ALMS1: variants seen among roughly 807,000 people sequenced by gnomAD.
ALMS1 encodes ALMS1 centrosome and basal body associated protein, also known as centrosome-associated protein ALMS1.
In ALMS1, 271 loss-of-function variants were observed where a neutral mutation model predicts 352.2. That is an observed-to-expected ratio of 0.77 (90% CI 0.70 to 0.85). The LOEUF is 0.85. Among genes scored for constraint, ALMS1 ranks in the 40% least tolerant of loss-of-function variants. The pLI is 0.00. For missense variants in ALMS1, 5,445 were observed against 4,870.7 expected, an observed-to-expected ratio of 1.12 and a Z score of -3.51; for synonymous variants, 1,865 against 1,761.2, an observed-to-expected ratio of 1.06 and a Z score of -1.48.
chr2:73,531,656 A>G (rs373380085), intron 11 of ALMS1, among the ~76,000 whole-genome samples: 1 of 152,202 alleles, frequency 6.6e-6, no homozygotes, highest in Non-Finnish European at 1.5e-5. Flanking sequence ...TCTGGCACCA[A>G]TTCTTTGTAT....
intron 13 of ALMS1, 42 bp from the exon 14 acceptor site, chr2:73,557,177 AT>A: frequency 4.3e-6 from 7 of 1,613,266 alleles, no homozygotes; most frequent in Non-Finnish European, 5.9e-6. Flanking sequence ...TGTTGTGTTT[AT>A]TATCTTTCCT....
At position 73,452,101 on chromosome 2, in the gene ALMS1, C is replaced by G. The variant is rs770709146; in HGVS notation, c.5574C>G (p.Val1858=). Residue 1858 remains valine (V), a synonymous_variant, in exon 8 of 23, where the codon GTC becomes GTG. Transcript: ENST00000613296. ...CCTACCCACAGAGAGAGCACTCTGT[C>G]ATTTCTTATGAGCAGGAGTTGCCAG... is the stretch of plus-strand genomic sequence containing the variant. The part of the protein sequence containing the change: ...SNSYPQREHS[V]ISYEQELPDL... 9 of 1,613,922 alleles carry G rather than the reference C, an allele frequency of 5.6e-6. No homozygotes were observed. Among genetic ancestry groups the G allele is most frequent in the Non-Finnish European group, 6.8e-6 (8 of 1,179,976 alleles).
chr2:73,451,078 T>G lies in ALMS1; in HGVS notation c.4551T>G (p.Thr1517=), dbSNP rs1418900568. 1 of 1,612,074 alleles carries G rather than the reference T, an allele frequency of 6.2e-7. No individual in the cohort carries two copies. Among genetic ancestry groups the G allele is most frequent in the African/African-American group, 1.3e-5 (1 of 74,196 alleles). Residue 1517 remains threonine (T), a synonymous_variant, in exon 8 of 23, where the codon ACT becomes ACG. Coordinates refer to ENST00000613296, the MANE Select transcript of ALMS1 (RefSeq NM_001378454.1). ...GPVGQTTGAP[T]ITSPSYSQHR... ...TTGGCCAGACAACTGGCGCACCAACTATAACCTCTCCTTCCTACTCACAAC... is the reference window on the plus strand; with the variant it reads ...TTGGCCAGACAACTGGCGCACCAACGATAACCTCTCCTTCCTACTCACAAC...
chr2:73,535,035 G>T (rs575377327), intron 12 of ALMS1, 86 bp downstream of exon 12: 2 of 1,545,096 alleles, frequency 1.3e-6, no homozygotes, highest in African/African-American at 2.7e-5. Flanking sequence ...CAAAAGTCCA[G>T]TGCTCTTTAA....
chr2:73,431,942 C>T (rs1671508252), intron 6 of ALMS1, among the ~76,000 whole-genome samples: 2 of 152,066 alleles, frequency 1.3e-5, no homozygotes, highest in Admixed American at 6.6e-5. Context: ...TTTCTAAGCC[C>T]TCAGGATGAT....
Position 73,451,484 on chromosome 2 carries a change from C to T in ALMS1, c.4957C>T (p.Gln1653Ter). The T allele has an allele frequency of 6.2e-7, 1 of 1,614,058 alleles. No homozygotes were observed. The highest frequency in any genetic ancestry group is 2.2e-5 in the East Asian group (1 of 44,878). ...TTCAGCTGCTCCTGGACCAGCTGACCAGAAGACTGAGACATTACCAGTACA... is the reference window on the plus strand; with the variant it reads ...TTCAGCTGCTCCTGGACCAGCTGACTAGAAGACTGAGACATTACCAGTACA... ...KVSAAPGPAD[Q>*]KTETLPVHST... The change falls in exon 8 of 23, where the codon CAG becomes TAG. Residue 1653 changes from glutamine (Q) to a stop codon, truncating the protein, a stop_gained. Transcript: ENST00000613296. LOFTEE classifies it high-confidence loss of function.
At chr2:73,521,621 G>GT (rs1422148136) in intron 11 of ALMS1, among the ~76,000 whole-genome samples, 1 of 150,596 alleles carries the variant, frequency 6.6e-6, no homozygotes, top group Non-Finnish European at 1.5e-5. Context: ...ACTGTGGCGG[G>GT]TGCCTGTAGT....
chr2:73,408,794 CAAG>C (rs1032353583), intron 2 of ALMS1, 47 bp downstream of exon 2: 2 of 1,518,468 alleles, frequency 1.3e-6, no homozygotes, highest in African/African-American at 2.9e-5. Flanking sequence ...ATAAGCAGCA[CAAG>C]AAATTCTGAT....
chr2:73,499,419 T>C (rs1408106497), intron 10 of ALMS1, among the ~76,000 whole-genome samples: 3 of 152,128 alleles, frequency 2.0e-5, no homozygotes, highest in Non-Finnish European at 4.4e-5. Context: ...CTCAAGAAAT[T>C]TTTGCCCAGA....
At chr2:73,469,872 AAAAC>A (rs1318972980) in intron 9 of ALMS1, 9 of 151,908 alleles carry the variant, frequency 5.9e-5, no homozygotes, top group Non-Finnish European at 1.3e-4. Flanking sequence ...CAAAAAGAAA[AAAAC>A]AATGCCTGAC....
Position 73,403,148 on chromosome 2 carries a change from G to C in ALMS1, c.325-5474G>C, listed in dbSNP as rs1464527730. On this transcript the variant is annotated intron_variant, in intron 1 of 22. Transcript: ENST00000613296. Reference sequence around the variant, plus strand: ...AGTTTTTCCCATATATTTTCTTCTAGGTTTATGGTTTTAAGTCTTCATGTT... The same window carrying C: ...AGTTTTTCCCATATATTTTCTTCTACGTTTATGGTTTTAAGTCTTCATGTT... Among the ~76,000 whole-genome samples, 3 of 152,060 alleles carry C rather than the reference G, an allele frequency of 2.0e-5. No individual in the cohort carries two copies. The South Asian group carries it at 6.2e-4, about 31-fold the overall frequency.
intron 9 of ALMS1, among the ~76,000 whole-genome samples, chr2:73,460,973 A>C (rs1401356272): frequency 6.6e-6 from 1 of 152,240 alleles, no homozygotes. Flanking sequence ...ACTACAGCTC[A>C]AGGAGGCCTG....
At position 73,550,441 on chromosome 2, in the gene ALMS1, A is replaced by T; in HGVS notation, c.10078+4A>T. 4 of 1,614,058 alleles carry T rather than the reference A, an allele frequency of 2.5e-6. No homozygotes were observed. In the East Asian group the frequency reaches 8.9e-5, roughly 36 times the overall value. ...CCCTTGCAGAATGAAAATGCAGGTA[A>T]CTGGATTGGCTTTGTATACTTTGTA... On this transcript the variant is annotated splice_donor_region_variant and intron_variant, in intron 13 of 22. Coordinates refer to ENST00000613296, the MANE Select transcript of ALMS1 (RefSeq NM_001378454.1).
Position 73,424,442 on chromosome 2 carries a change from T to A in ALMS1, c.777T>A (p.Asp259Glu). ...TATATATTTTCAGGGGAATTCCTGA[T>A]AAGTCTGAAGATACTGAATGGTCTT... ...LSFAPLRGIP[D>E]KSEDTEWSSR... Residue 259 changes from aspartate to glutamate, a missense_variant, in exon 5 of 23, where the codon GAT becomes GAA. Physicochemically the swap from Asp to Glu is conservative, Grantham distance 45 (BLOSUM62 2). Coordinates refer to ENST00000613296, the MANE Select transcript of ALMS1 (RefSeq NM_001378454.1). 1 of 1,559,356 alleles carries A rather than the reference T, an allele frequency of 6.4e-7. No individual in the cohort carries two copies. The highest frequency in any genetic ancestry group is 1.9e-4 in the Middle Eastern group (1 of 5,282).
chr2:73,414,944 T>G (rs6546831), intron 2 of ALMS1, among the ~76,000 whole-genome samples: 2 of 152,040 alleles, frequency 1.3e-5, no homozygotes. Context: ...CAATTCCAGG[T>G]TGGATTACTT....
intron 10 of ALMS1, among the ~76,000 whole-genome samples, chr2:73,508,489 G>A (rs182448678): frequency 6.6e-6 from 1 of 152,230 alleles, no homozygotes; most frequent in Non-Finnish European, 1.5e-5. Context: ...ACAGATGTGA[G>A]CCACCGCACC....
intron 2 of ALMS1, among the ~76,000 whole-genome samples, chr2:73,412,052 A>G (rs865938838): frequency 2.7e-4 from 41 of 152,286 alleles, no homozygotes; most frequent in African/African-American, 9.6e-4. Context: ...CTGATATCCT[A>G]TGCTCATTTT....
At chr2:73,421,471 C>T (rs1427497746) in intron 3 of ALMS1, among the ~76,000 whole-genome samples, 1 of 152,156 alleles carries the variant, frequency 6.6e-6, no homozygotes, top group Non-Finnish European at 1.5e-5. Flanking sequence ...TTTAAGACTG[C>T]TTCTCTGTGC....
chr2:73,388,114 G>C (rs900788567), intron 1 of ALMS1, among the ~76,000 whole-genome samples: 5 of 152,144 alleles, frequency 3.3e-5, no homozygotes, highest in Admixed American at 3.3e-4. Flanking sequence ...GGCTGGGCTA[G>C]AGATTTCAAG....
Sources: gnomAD v4.1 joint callset for allele counts (sites outside exome capture counted in the v4.1 genomes callset) on GRCh38, gnomAD v4.1.1 for gene constraint, MANE v1.5 for transcripts, NCBI Gene and HGNC (gene_info 2026-07-23, HGNC 2026-07-21) for gene names.